The following MYRIP variants were observed in gnomAD, a reference collection of about 807,000 sequenced individuals.
The protein encoded by MYRIP is myosin VIIA and Rab interacting protein.
A neutral mutation model predicts 98.0 loss-of-function variants in MYRIP; 49 were observed. That is an observed-to-expected ratio of 0.50 (90% CI 0.40 to 0.63). The LOEUF (loss-of-function observed/expected upper bound fraction) is 0.63. MYRIP is among the 30% of genes least tolerant of loss of function. The pLI is 0.00. For synonymous variants in MYRIP, 404 were observed against 409.5 expected (o/e 0.99, Z 0.16); for missense variants, 1,004 against 1,058.2 (o/e 0.95, Z 0.71).
At chr3:39,901,032 A>G (rs1238687530) in intron 2 of MYRIP, 106 bp downstream of exon 2, 5 of 758,414 alleles carry the variant, frequency 6.6e-6, no homozygotes, top group Non-Finnish European at 1.1e-5. Flanking sequence ...TTGGATATAC[A>G]CTTATGTTTG....
At chr3:39,895,523 A>AT (rs35368191) in intron 1 of MYRIP, among the ~76,000 whole-genome samples, 10 of 150,882 alleles carry the variant, frequency 6.6e-5, no homozygotes, top group Admixed American at 1.3e-4. Context: ...CCATATATAT[A>AT]TTTTTTTTTC....
intron 1 of MYRIP, among the ~76,000 whole-genome samples, chr3:39,832,756 C>T (rs1404583276): frequency 1.3e-5 from 2 of 152,142 alleles, no homozygotes; most frequent in African/African-American, 4.8e-5. Flanking sequence ...GTCCTCTATG[C>T]CAATTTTTCC....
intron 2 of MYRIP, among the ~76,000 whole-genome samples, chr3:39,930,608 G>C (rs556871912): frequency 1.3e-5 from 2 of 151,962 alleles, no homozygotes; most frequent in South Asian, 2.1e-4. Context: ...CCTATCCAAG[G>C]TTGTAAAGAT....
chr3:39,872,444 G>A (rs534185603), intron 1 of MYRIP, among the ~76,000 whole-genome samples: 62 of 151,294 alleles, frequency 4.1e-4, no homozygotes, highest in African/African-American at 1.2e-3. Context: ...CCATTAACTC[G>A]TCATTTAGCA....
chr3:40,065,101 A>G (rs778595509), intron 3 of MYRIP, among the ~76,000 whole-genome samples: 12 of 152,164 alleles, frequency 7.9e-5, no homozygotes, highest in Non-Finnish European at 1.5e-4. Flanking sequence ...GCTCTCTCTG[A>G]AGTCTGTAAG....
Position 39,998,054 on chromosome 3 carries a change from A to G in MYRIP, c.111-45996A>G, listed in dbSNP as rs533968871. On this transcript the variant is annotated intron_variant, in intron 2 of 16. Transcript: ENST00000302541. ...TATCTCAAAATAATAAGAGCTATCT[A>G]TGACAAACCCACAGCCAATATCATA... Among the ~76,000 whole-genome samples, 12 of 152,346 alleles carry G rather than the reference A, an allele frequency of 7.9e-5. No individual in the cohort carries two copies. The East Asian group carries it at 1.7e-3, about 22-fold the overall frequency.
At chr3:39,954,258 C>A (rs1404667698) in intron 2 of MYRIP, among the ~76,000 whole-genome samples, 1 of 152,096 alleles carries the variant, frequency 6.6e-6, no homozygotes, top group African/African-American at 2.4e-5. Context: ...GAGACACCTC[C>A]CAGTAGGGGC....
At chr3:39,959,313 C>T (rs1304648288) in intron 2 of MYRIP, among the ~76,000 whole-genome samples, 1 of 152,182 alleles carries the variant, frequency 6.6e-6, no homozygotes, top group East Asian at 1.9e-4. Context: ...GAAAATGTGG[C>T]ACATATACAC....
chr3:39,969,896 A>G (rs1575423588), intron 2 of MYRIP, among the ~76,000 whole-genome samples: 1 of 152,120 alleles, frequency 6.6e-6, no homozygotes, highest in East Asian at 1.9e-4. Flanking sequence ...TAGGAATGGT[A>G]CCAACTCTTC....
At chr3:39,838,045 T>C (rs1162817449) in intron 1 of MYRIP, among the ~76,000 whole-genome samples, 1 of 152,224 alleles carries the variant, frequency 6.6e-6, no homozygotes, top group Non-Finnish European at 1.5e-5. Context: ...ACACTTGTGA[T>C]TTTTGCACAT....
At position 39,893,860 on chromosome 3, in the gene MYRIP, A is replaced by C. The variant is rs899148068; in HGVS notation, c.-30-6927A>C. ...CAGTATGGTATTCTATCTTAGAGCT[A>C]TATAATAGCAAATTTAATCAATGTT... On this transcript the variant is annotated intron_variant, in intron 1 of 16. Coordinates refer to ENST00000302541, the MANE Select transcript of MYRIP (RefSeq NM_015460.4). Among the ~76,000 whole-genome samples, 6 of 152,296 alleles carry C rather than the reference A, an allele frequency of 3.9e-5. No homozygotes were observed. The East Asian group carries it at 1.2e-3, about 29-fold the overall frequency.
chr3:39,961,891 G>C (rs1945333184), intron 2 of MYRIP, among the ~76,000 whole-genome samples: 1 of 152,106 alleles, frequency 6.6e-6, no homozygotes, highest in South Asian at 2.1e-4. Flanking sequence ...AAGCATTTCA[G>C]GTAGGCCCAG....
Position 40,258,336 on chromosome 3 carries a change from T to C in MYRIP, c.*170T>C. The C allele has an allele frequency of 1.4e-6, 1 of 701,766 alleles. No individual in the cohort carries two copies. The highest frequency in any genetic ancestry group is 2.7e-5 in the East Asian group (1 of 37,126). The allele number at this position is 701,766 out of a possible 1,614,324, so 43.5% of individuals were successfully genotyped here. A position where few individuals can be genotyped will look rare whatever the true frequency, so the allele number is the denominator to read the frequency against. On this transcript the variant is annotated 3_prime_UTR_variant, in exon 17 of 17. Coordinates refer to ENST00000302541, the MANE Select transcript of MYRIP (RefSeq NM_015460.4). ...CTGATACCTCATCCAGAAAGCCGTC[T>C]CAGACTTCAGCACTGCGGTCTTGCC...
At chr3:39,988,482 G>T (rs997547711) in intron 2 of MYRIP, among the ~76,000 whole-genome samples, 5 of 151,918 alleles carry the variant, frequency 3.3e-5, no homozygotes, top group African/African-American at 1.2e-4. Flanking sequence ...AGAATCTGAT[G>T]ATTATTTGGG....
intron 2 of MYRIP, among the ~76,000 whole-genome samples, chr3:39,961,182 A>G (rs1331360498): frequency 2.0e-5 from 3 of 152,082 alleles, no homozygotes; most frequent in African/African-American, 4.8e-5. Context: ...CAAGGACCGT[A>G]TTTCCCACAC....
chr3:39,989,150 G>A (rs1393433084), intron 2 of MYRIP, among the ~76,000 whole-genome samples: 2 of 152,106 alleles, frequency 1.3e-5, no homozygotes, highest in Admixed American at 6.5e-5. Flanking sequence ...ATCTTCATGA[G>A]TTTGTCTAAT....
At chr3:40,143,290 G>A (rs1366904124) in intron 3 of MYRIP, among the ~76,000 whole-genome samples, 2 of 152,170 alleles carry the variant, frequency 1.3e-5, no homozygotes, top group African/African-American at 4.8e-5. Flanking sequence ...GCAGGATGCC[G>A]ACACAAAGGT....
At chr3:39,938,713 C>T (rs1371489883) in intron 2 of MYRIP, among the ~76,000 whole-genome samples, 1 of 152,006 alleles carries the variant, frequency 6.6e-6, no homozygotes, top group African/African-American at 2.4e-5. Flanking sequence ...ACTATGTTGC[C>T]CAGGCTGGTG....
intron 10 of MYRIP, 36 bp from the exon 11 acceptor site, chr3:40,209,807 GGCTGTAGCAGA>G (rs1378640113): frequency 1.9e-6 from 3 of 1,608,546 alleles, no homozygotes; most frequent in Non-Finnish European, 2.5e-6. Context: ...GAAGCAACAT[GGCTGTAGCAGA>G]GGGCTCCTCA....
Sources: allele counts gnomAD v4.1 joint callset (sites outside exome capture counted in the v4.1 genomes callset), GRCh38; gene constraint gnomAD v4.1.1; transcripts MANE v1.5; gene names NCBI Gene and HGNC (gene_info 2026-07-23, HGNC 2026-07-21).